The following COG5 variants were observed in gnomAD, a reference collection of about 807,000 sequenced individuals.
COG5 encodes conserved oligomeric Golgi complex subunit 5.
Under a neutral mutation model 110.4 loss-of-function variants are expected in COG5, and 86 were observed. That is an observed-to-expected ratio of 0.78 (90% CI 0.65 to 0.93). The LOEUF is 0.93. Among genes scored for constraint, COG5 ranks in the 40% least tolerant of loss-of-function variants. The pLI is 0.00. For synonymous variants in COG5, 360 were observed against 334.6 expected, an observed-to-expected ratio of 1.08 and a Z score of -0.83; for missense variants, 1,077 against 987.0, an observed-to-expected ratio of 1.09 and a Z score of -1.22.
intron 13 of COG5, among the ~76,000 whole-genome samples, chr7:107,283,302 A>G (rs925988703): frequency 2.0e-5 from 3 of 152,154 alleles, no homozygotes; most frequent in Non-Finnish European, 4.4e-5. Flanking sequence ...CTATGATACA[A>G]AGAGCTAGGT....
rs182030907 is a variant in COG5 at position 107,465,204 on chromosome 7, T to C, written c.539-52572A>G. On this transcript the variant is annotated intron_variant, in intron 6 of 21. Coordinates refer to ENST00000297135, the MANE Select transcript of COG5 (RefSeq NM_006348.5). The stretch of plus-strand genomic sequence containing the variant: ...AACTATCTCTATTTGCAGACAATTG[T>C]CTATATAGAAAATACCATGGAATTC... Among the ~76,000 whole-genome samples, 5 of 152,256 alleles carry C rather than the reference T, an allele frequency of 3.3e-5. No homozygotes were observed. In the East Asian group the frequency reaches 9.6e-4, roughly 29 times the overall value.
intron 6 of COG5, among the ~76,000 whole-genome samples, chr7:107,424,625 C>A (rs1041276437): frequency 1.3e-5 from 2 of 151,684 alleles, no homozygotes; most frequent in African/African-American, 4.8e-5. Context: ...CAAAAGACAT[C>A]AAGAAGGATT....
chr7:107,249,129 T>C (rs897993532), intron 16 of COG5, among the ~76,000 whole-genome samples: 1 of 152,184 alleles, frequency 6.6e-6, no homozygotes, highest in Non-Finnish European at 1.5e-5. Flanking sequence ...ACAATGTTTC[T>C]AATAGGGCAC....
At chr7:107,526,203 T>C (rs369728981) in intron 6 of COG5, among the ~76,000 whole-genome samples, 210 of 152,294 alleles carry the variant, frequency 1.4e-3, no homozygotes, top group African/African-American at 4.2e-3. Flanking sequence ...ATATCTGAAA[T>C]GGATATAATT....
At chr7:107,331,970 T>A (rs1423904302) in intron 10 of COG5, among the ~76,000 whole-genome samples, 1 of 151,678 alleles carries the variant, frequency 6.6e-6, no homozygotes, top group Non-Finnish European at 1.5e-5. Flanking sequence ...TGCCTCAGCC[T>A]CCTGAGTAGC....
chr7:107,413,289 C>G (rs1436348904), intron 6 of COG5, among the ~76,000 whole-genome samples: 1 of 151,862 alleles, frequency 6.6e-6, no homozygotes, highest in Non-Finnish European at 1.5e-5. Context: ...AGCTGGGCCC[C>G]AGTATTTTTA....
At chr7:107,395,530 A>G (rs1159111916) in intron 7 of COG5, among the ~76,000 whole-genome samples, 2 of 146,084 alleles carry the variant, frequency 1.4e-5, no homozygotes, top group East Asian at 4.1e-4. Flanking sequence ...CGTCTTTACC[A>G]TGAAGCAGAT....
rs1017572543 is a variant in COG5 at position 107,507,602 on chromosome 7, G to A, written c.538+19635C>T. The stretch of plus-strand genomic sequence containing the variant: ...ATTACAGGCATGAACGACCACACCC[G>A]GCCGAAATAAAACTTTCTAAAATCT... On this transcript the variant is annotated intron_variant, in intron 6 of 21. Transcript: ENST00000297135. 5.3e-5 allele frequency among the ~76,000 whole-genome samples: 8 copies of A among 151,146 alleles called. No homozygotes were observed. In the South Asian group the frequency reaches 6.3e-4, roughly 12 times the overall value.
chr7:107,385,711 G>A (rs1224242763), intron 7 of COG5, among the ~76,000 whole-genome samples: 1 of 152,046 alleles, frequency 6.6e-6, no homozygotes, highest in Non-Finnish European at 1.5e-5. Context: ...TAGGAGAAGA[G>A]GGCAATGGGG....
chr7:107,332,051 G>T (rs1810298799), intron 10 of COG5, among the ~76,000 whole-genome samples: 2 of 152,080 alleles, frequency 1.3e-5, no homozygotes, highest in Admixed American at 6.6e-5. Flanking sequence ...GTTTCGCCAT[G>T]TTGGCCAGGA....
chr7:107,458,001 G>A (rs904998878), intron 6 of COG5, among the ~76,000 whole-genome samples: 2 of 152,094 alleles, frequency 1.3e-5, no homozygotes, highest in African/African-American at 4.8e-5. Context: ...AAAGAAGCTA[G>A]AGGAAAGAAG....
At chr7:107,377,515 G>A (rs1814738288) in intron 7 of COG5, among the ~76,000 whole-genome samples, 1 of 151,922 alleles carries the variant, frequency 6.6e-6, no homozygotes, top group Non-Finnish European at 1.5e-5. Flanking sequence ...ATCTTGTTAA[G>A]TAACTAAATT....
chr7:107,444,681 T>C (rs1794904725), intron 6 of COG5, among the ~76,000 whole-genome samples: 1 of 152,146 alleles, frequency 6.6e-6, no homozygotes, highest in Admixed American at 6.5e-5. Flanking sequence ...AAATACTATA[T>C]CATAAACTCT....
intron 10 of COG5, among the ~76,000 whole-genome samples, chr7:107,341,225 G>A (rs530801262): frequency 9.2e-5 from 14 of 152,008 alleles, no homozygotes; most frequent in East Asian, 7.7e-4. Flanking sequence ...ATTTCTATAC[G>A]ACAATAATGT....
chr7:107,219,458 A>T (rs969917340), intron 19 of COG5, among the ~76,000 whole-genome samples: 2 of 152,240 alleles, frequency 1.3e-5, no homozygotes, highest in Non-Finnish European at 2.9e-5. Context: ...GGATGAGTAG[A>T]TAAAGAAAAT....
Position 107,527,369 on chromosome 7 carries a change from T to C in COG5, c.418-12A>G. 6.2e-7 allele frequency: 1 copy of C among 1,612,876 alleles called. No homozygotes were observed. On this transcript the variant is annotated splice_polypyrimidine_tract_variant and intron_variant, in intron 5 of 21. Transcript: ENST00000297135. ...AAATCACAGGCAACCTGTGCAAACA[T>C]CACAATGTTAAGTTAGTTGATCCAT...
intron 6 of COG5, among the ~76,000 whole-genome samples, chr7:107,483,370 G>A (rs928982500): frequency 4.6e-5 from 7 of 152,188 alleles, no homozygotes; most frequent in East Asian, 1.9e-4. Flanking sequence ...TATTGAAAAT[G>A]AGCATTATTG....
At chr7:107,212,088 C>T (rs1038961198) in intron 19 of COG5, among the ~76,000 whole-genome samples, 8 of 152,104 alleles carry the variant, frequency 5.3e-5, no homozygotes, top group Admixed American at 3.3e-4. Flanking sequence ...AATAGAGAAG[C>T]GAACTTCTTC....
At chr7:107,525,799 G>A (rs1033022087) in intron 6 of COG5, among the ~76,000 whole-genome samples, 2 of 151,984 alleles carry the variant, frequency 1.3e-5, no homozygotes, top group African/African-American at 4.8e-5. Flanking sequence ...ACCCAGGCTG[G>A]TCTCAAACTC....
Sources: gnomAD v4.1 joint callset for allele counts (sites outside exome capture counted in the v4.1 genomes callset) on GRCh38, gnomAD v4.1.1 for gene constraint, MANE v1.5 for transcripts, NCBI Gene and HGNC (gene_info 2026-07-23, HGNC 2026-07-21) for gene names.